The following GSDME variants were observed in gnomAD, a reference collection of about 807,000 sequenced individuals.
GSDME encodes the protein gasdermin E.
In GSDME, 44 loss-of-function variants were observed where a neutral mutation model predicts 47.5. The observed-to-expected ratio is 0.93, with a 90% CI of 0.73 to 1.19. GSDME has a LOEUF of 1.19. Ranked by LOEUF, GSDME falls within the 50% of genes most tolerant of loss-of-function variation. GSDME has a pLI of 0.00. For synonymous variants in GSDME, 258 were observed against 252.8 expected, an observed-to-expected ratio of 1.02 and a Z score of -0.20; for missense variants, 663 against 604.2, an observed-to-expected ratio of 1.10 and a Z score of -1.02.
At chr7:24,748,612 A>G (rs574203485) in intron 2 of GSDME, among the ~76,000 whole-genome samples, 3 of 152,254 alleles carry the variant, frequency 2.0e-5, no homozygotes, top group African/African-American at 7.2e-5. Flanking sequence ...GTACTGTAAC[A>G]ATACATCTGT....
chr7:24,779,722 A>G, the GSDME span, among the ~76,000 whole-genome samples: 1 of 152,146 alleles, frequency 6.6e-6, no homozygotes, highest in African/African-American at 2.4e-5. This position sits in a 1 kb window ranked among gnomAD's most constrained non-coding sequence, Gnocchi z 6.0. Context: ...GGCTCTTTCC[A>G]CCATCTCTCG....
chr7:24,723,820 C>A (rs544854151), intron 3 of GSDME, among the ~76,000 whole-genome samples: 100 of 152,342 alleles, frequency 6.6e-4, no homozygotes, highest in Non-Finnish European at 1.1e-3. Flanking sequence ...ATGTAAATAT[C>A]TTGCCTATGT....
chr7:24,719,542 C>T (rs890853840), intron 3 of GSDME, among the ~76,000 whole-genome samples: 3 of 151,558 alleles, frequency 2.0e-5, no homozygotes, highest in South Asian at 2.1e-4. Flanking sequence ...CCTGTAATCC[C>T]AGCACTTTGG....
intron 5 of GSDME, among the ~76,000 whole-genome samples, chr7:24,715,850 T>A (rs1243676065): frequency 1.3e-5 from 2 of 152,194 alleles, no homozygotes; most frequent in African/African-American, 4.8e-5. Flanking sequence ...TTCTGTCACC[T>A]CAGATAAATC....
At chr7:24,703,948 T>G (rs1788990553) in intron 8 of GSDME, 1 of 152,216 alleles carries the variant, frequency 6.6e-6, no homozygotes, top group African/African-American at 2.4e-5. Context: ...TGCCTTCACT[T>G]TCCAGGGTGG....
chr7:24,737,359 A>C (rs1790342521), intron 3 of GSDME, among the ~76,000 whole-genome samples: 1 of 152,106 alleles, frequency 6.6e-6, no homozygotes, highest in Non-Finnish European at 1.5e-5. Flanking sequence ...AGAGGCTACT[A>C]TGAGTAACTA....
At chr7:24,715,433 G>A (rs1188976441) in intron 5 of GSDME, 7 of 470,568 alleles carry the variant, frequency 1.5e-5, no homozygotes, top group African/African-American at 1.4e-4. Flanking sequence ...CAATGTCTAT[G>A]TCTATTGAAT....
the GSDME span, among the ~76,000 whole-genome samples, chr7:24,775,163 T>C: frequency 1.3e-5 from 2 of 152,212 alleles, no homozygotes; most frequent in Non-Finnish European, 2.9e-5. Context: ...TGGTACATTT[T>C]TCTCATGCTG....
chr7:24,729,230 G>A (rs779194277), intron 3 of GSDME, among the ~76,000 whole-genome samples: 1 of 152,242 alleles, frequency 6.6e-6, no homozygotes. Context: ...CTTGGAACAT[G>A]TGTCTGTTTC....
At chr7:24,715,629 A>T (rs1032679146) in intron 5 of GSDME, 2 of 333,426 alleles carry the variant, frequency 6.0e-6, no homozygotes, top group African/African-American at 4.5e-5. Flanking sequence ...GATAACAGAG[A>T]CTAGAAGAAC....
chr7:24,722,804 C>G (rs1425861633), intron 3 of GSDME, among the ~76,000 whole-genome samples: 1 of 152,246 alleles, frequency 6.6e-6, no homozygotes, highest in East Asian at 1.9e-4. Flanking sequence ...AGAGGGGCAG[C>G]CATCTACGCA....
chr7:24,757,107 G>T lies in GSDME; in HGVS notation c.-20+289C>A, dbSNP rs988094320. Among the ~76,000 whole-genome samples, 4 of 152,192 alleles carry T rather than the reference G, an allele frequency of 2.6e-5. No homozygotes were observed. The highest frequency in any genetic ancestry group is 9.6e-5 in the African/African-American group (4 of 41,458). On this transcript the variant is annotated intron_variant, in intron 1 of 9. Coordinates refer to ENST00000645220, the MANE Select transcript of GSDME (RefSeq NM_001127453.2). This position sits in a 1 kb window ranked among gnomAD's most constrained non-coding sequence, Gnocchi z 5.9. Reference sequence around the variant, plus strand: ...CAAGGAAGGAAGTGGCAGCGGGGACGGGGAGAGGATGGGAAGGGGATGCTG... The same window carrying T: ...CAAGGAAGGAAGTGGCAGCGGGGACTGGGAGAGGATGGGAAGGGGATGCTG...
intron 1 of GSDME, among the ~76,000 whole-genome samples, chr7:24,751,208 C>T (rs1263256631): frequency 6.6e-6 from 1 of 152,112 alleles, no homozygotes; most frequent in Admixed American, 6.5e-5. Flanking sequence ...GGCAATGGTT[C>T]TAAACCATTC....
At chr7:24,730,441 T>C in intron 3 of GSDME, among the ~76,000 whole-genome samples, 1 of 152,218 alleles carries the variant, frequency 6.6e-6, no homozygotes, top group Non-Finnish European at 1.5e-5. Context: ...TGCCTATCAG[T>C]CTTAGAAGAA....
Position 24,744,976 on chromosome 7 carries a change from G to A in GSDME, c.212-222C>T, listed in dbSNP as rs1235141221. On this transcript the variant is annotated intron_variant, in intron 2 of 9. Transcript: ENST00000645220. This position sits in a 1 kb window ranked among gnomAD's most constrained non-coding sequence, Gnocchi z 4.5. ...TGGACCGCGGGCACACAGTGGACCAGTGCAGCACGTGTGTGTGTGTGTGTG... is the reference window on the plus strand; with the variant it reads ...TGGACCGCGGGCACACAGTGGACCAATGCAGCACGTGTGTGTGTGTGTGTG... Among the ~76,000 whole-genome samples the A allele has an allele frequency of 1.5e-5, 2 of 137,430 alleles. No homozygotes were observed. The highest frequency in any genetic ancestry group is 4.4e-4 in the East Asian group (2 of 4,568). 90.2% of individuals were successfully genotyped at this position (137,430 alleles called of 152,430 possible). A position where few individuals can be genotyped will look rare whatever the true frequency, so the allele number is the denominator to read the frequency against.
rs1789968211 is a variant in GSDME at position 24,726,453 on chromosome 7, G to A, written c.405-7235C>T. Among the ~76,000 whole-genome samples, 1 of 152,112 alleles carries A rather than the reference G, an allele frequency of 6.6e-6. No homozygotes were observed. Among genetic ancestry groups the A allele is most frequent in the African/African-American group, 2.4e-5 (1 of 41,410 alleles). On this transcript the variant is annotated intron_variant, in intron 3 of 9. Coordinates refer to ENST00000645220, the MANE Select transcript of GSDME (RefSeq NM_001127453.2). This position sits in a 1 kb window ranked among gnomAD's most constrained non-coding sequence, Gnocchi z 5.6. ...AGTTCTGCTATGCTCCAGGCACCAG[G>A]CCAGATGCAAGTTTCTCAGGGAAGA...
chr7:24,712,477 C>T lies in GSDME; in HGVS notation c.698-2089G>A, dbSNP rs1326001344. 1.3e-5 allele frequency among the ~76,000 whole-genome samples: 2 copies of T among 152,186 alleles called. No homozygotes were observed. The highest frequency in any genetic ancestry group is 4.8e-5 in the African/African-American group (2 of 41,436). On this transcript the variant is annotated intron_variant, in intron 5 of 9. Coordinates refer to ENST00000645220, the MANE Select transcript of GSDME (RefSeq NM_001127453.2). The surrounding 1 kb of genome is among the most constrained non-coding windows in gnomAD (Gnocchi z 4.4). Reference sequence around the variant, plus strand: ...TAATTCCTTCATTCTTTTCATCCATCCATCCCCAGCCAGCCAGCCAGCAAA... The same window carrying T: ...TAATTCCTTCATTCTTTTCATCCATTCATCCCCAGCCAGCCAGCCAGCAAA...
At chr7:24,743,543 C>T (rs559431814) in intron 3 of GSDME, among the ~76,000 whole-genome samples, 4 of 152,332 alleles carry the variant, frequency 2.6e-5, no homozygotes, top group African/African-American at 4.8e-5. Context: ...CATCAGATTA[C>T]GCCCCTTCCC....
chr7:24,758,741 C>T (rs535837985), upstream of GSDME, among the ~76,000 whole-genome samples: 8 of 152,276 alleles, frequency 5.3e-5, no homozygotes, highest in East Asian at 1.5e-3. This position sits in a 1 kb window ranked among gnomAD's most constrained non-coding sequence, Gnocchi z 4.6. Flanking sequence ...GCCCACCCAC[C>T]CACGGGAACA....
Sources: gnomAD v4.1 joint callset for allele counts (sites outside exome capture counted in the v4.1 genomes callset) on GRCh38, gnomAD v4.1.1 for gene constraint, Gnocchi (gnomAD v3.1) non-coding constraint, MANE v1.5 for transcripts, NCBI Gene and HGNC (gene_info 2026-07-23, HGNC 2026-07-21) for gene names.